SPIN1: variants seen among roughly 807,000 people sequenced by gnomAD.
The protein encoded by SPIN1 is spindlin 1.
A neutral mutation model predicts 26.0 loss-of-function variants in SPIN1; 3 were observed. The ratio of observed to expected loss-of-function variants is 0.12; its 90% CI spans 0.05 to 0.30. The LOEUF (loss-of-function observed/expected upper bound fraction) is 0.30, where lower values mean the gene tolerates loss of function less well. SPIN1 is among the 10% of genes least tolerant of loss of function. The probability of loss-of-function intolerance (pLI) is 1.00; values close to 1 mark genes in which losing one functional copy is unlikely to be tolerated. For synonymous variants in SPIN1, 101 were observed against 116.5 expected (o/e 0.87, Z 0.86); for missense variants, 126 against 333.4 (o/e 0.38, Z 4.84).
intron 1 of SPIN1, among the ~76,000 whole-genome samples, chr9:88,393,859 T>G (rs984975225): frequency 6.6e-6 from 1 of 151,962 alleles, no homozygotes; most frequent in African/African-American, 2.4e-5. Context: ...TTTTGGTTTT[T>G]TAAATTTTGA....
chr9:88,474,585 G>A (rs1015727352), intron 5 of SPIN1, among the ~76,000 whole-genome samples: 1 of 152,176 alleles, frequency 6.6e-6, no homozygotes, highest in South Asian at 2.1e-4. Flanking sequence ...TGGTACTTAG[G>A]CATTTTAAAT....
chr9:88,425,114 T>C (rs749333062), intron 1 of SPIN1, among the ~76,000 whole-genome samples: 1 of 152,140 alleles, frequency 6.6e-6, no homozygotes, highest in Admixed American at 6.6e-5. Context: ...GACTGCACTT[T>C]GCTGAAGAAC....
Position 88,441,021 on chromosome 9 carries a change from T to C in SPIN1, c.53-7920T>C, listed in dbSNP as rs139620385. Among the ~76,000 whole-genome samples the C allele has an allele frequency of 1.6e-3, 236 of 151,942 alleles. 10 individuals are homozygous for C. The highest frequency in any genetic ancestry group is 5.5e-3 in the African/African-American group (228 of 41,246). ...CCACGTACTTTATGACAATAAAATT[T>C]AGTTGGCCCTCTGTATCCGTGGGTT... On this transcript the variant is annotated intron_variant, in intron 2 of 5. Coordinates refer to ENST00000375859, the MANE Select transcript of SPIN1 (RefSeq NM_006717.3).
At chr9:88,410,185 G>T (rs1313841786) in intron 1 of SPIN1, among the ~76,000 whole-genome samples, 2 of 139,260 alleles carry the variant, frequency 1.4e-5, no homozygotes, top group East Asian at 3.9e-4. Context: ...GTGTGTGTGT[G>T]TGTGCAACTT....
intron 2 of SPIN1, among the ~76,000 whole-genome samples, chr9:88,427,955 C>T (rs1248111586): frequency 6.6e-6 from 1 of 152,070 alleles, no homozygotes; most frequent in Non-Finnish European, 1.5e-5. Flanking sequence ...AGATGTGAGT[C>T]AAATGTTTAG....
intron 1 of SPIN1, among the ~76,000 whole-genome samples, chr9:88,412,881 A>G (rs537877817): frequency 6.6e-6 from 1 of 151,982 alleles, no homozygotes; most frequent in Admixed American, 6.6e-5. Context: ...ACAGGGTTTC[A>G]CTATGTTGGC....
intron 5 of SPIN1, among the ~76,000 whole-genome samples, chr9:88,468,907 A>T (rs1335867809): frequency 6.6e-6 from 1 of 152,228 alleles, no homozygotes; most frequent in Non-Finnish European, 1.5e-5. Flanking sequence ...AGGGATCAGT[A>T]AAATACGTCC....
chr9:88,468,944 T>C (rs1828723384), intron 5 of SPIN1, among the ~76,000 whole-genome samples: 1 of 152,234 alleles, frequency 6.6e-6, no homozygotes, highest in Non-Finnish European at 1.5e-5. Context: ...GCTTTAACAG[T>C]TATCTCATCG....
At chr9:88,400,932 G>C (rs900911368) in intron 1 of SPIN1, among the ~76,000 whole-genome samples, 1 of 152,110 alleles carries the variant, frequency 6.6e-6, no homozygotes, top group African/African-American at 2.4e-5. Flanking sequence ...AGGATCAGTT[G>C]AGCTGGGGAA....
At chr9:88,409,410 G>A (rs779389091) in intron 1 of SPIN1, among the ~76,000 whole-genome samples, 2 of 151,778 alleles carry the variant, frequency 1.3e-5, no homozygotes, top group Non-Finnish European at 2.9e-5. Context: ...TATAAATATC[G>A]TTTGAATAAT....
intron 2 of SPIN1, among the ~76,000 whole-genome samples, chr9:88,444,085 C>G (rs1455697045): frequency 6.6e-6 from 1 of 152,072 alleles, no homozygotes; most frequent in African/African-American, 2.4e-5. Flanking sequence ...CCTCAATTCT[C>G]TGACTAGTCT....
intron 1 of SPIN1, among the ~76,000 whole-genome samples, chr9:88,422,223 C>A (rs1178231176): frequency 1.3e-5 from 2 of 152,088 alleles, no homozygotes; most frequent in Non-Finnish European, 2.9e-5. Flanking sequence ...TCTTAATGAC[C>A]TTATAATAAA....
At chr9:88,392,973 G>A (rs1826963400) in intron 1 of SPIN1, among the ~76,000 whole-genome samples, 2 of 152,128 alleles carry the variant, frequency 1.3e-5, no homozygotes, top group South Asian at 2.1e-4. Context: ...GGGCAGGATT[G>A]GACCTGTGTT....
At chr9:88,408,475 T>G (rs1402902012) in intron 1 of SPIN1, among the ~76,000 whole-genome samples, 1 of 150,656 alleles carries the variant, frequency 6.6e-6, no homozygotes, top group Non-Finnish European at 1.5e-5. Flanking sequence ...CCTCCTGGGT[T>G]TAAGCAGTTC....
chr9:88,452,178 G>A (rs1303477156), intron 3 of SPIN1, among the ~76,000 whole-genome samples: 1 of 152,162 alleles, frequency 6.6e-6, no homozygotes, highest in Non-Finnish European at 1.5e-5. Context: ...TGTCCCTAGT[G>A]TGTTCTCATG....
intron 1 of SPIN1, among the ~76,000 whole-genome samples, chr9:88,417,143 C>A (rs958820792): frequency 6.6e-6 from 1 of 152,104 alleles, no homozygotes; most frequent in African/African-American, 2.4e-5. Context: ...CTAATTAGCC[C>A]TTCATATCTA....
At chr9:88,429,416 G>C (rs1827821675) in intron 2 of SPIN1, among the ~76,000 whole-genome samples, 1 of 152,108 alleles carries the variant, frequency 6.6e-6, no homozygotes, top group African/African-American at 2.4e-5. Flanking sequence ...TGGAACTTCT[G>C]GTCTGAACAG....
chr9:88,470,968 G>A (rs1246170957), intron 5 of SPIN1, among the ~76,000 whole-genome samples: 1 of 152,084 alleles, frequency 6.6e-6, no homozygotes, highest in Non-Finnish European at 1.5e-5. Context: ...TGAATTATCT[G>A]TCTTTCATTA....
chr9:88,405,390 G>T, intron 1 of SPIN1, among the ~76,000 whole-genome samples: 1 of 149,428 alleles, frequency 6.7e-6, no homozygotes, highest in South Asian at 2.1e-4. Context: ...CACCATGCCC[G>T]GCTAATTCTT....
Sources: allele counts gnomAD v4.1 joint callset (sites outside exome capture counted in the v4.1 genomes callset), GRCh38; gene constraint gnomAD v4.1.1; transcripts MANE v1.5; gene names NCBI Gene and HGNC (gene_info 2026-07-23, HGNC 2026-07-21).